ATXN8OS: variants seen among roughly 807,000 people sequenced by gnomAD.
ATXN8OS encodes ATXN8 opposite strand lncRNA, also known as ATXN8 opposite strand (non-protein coding).
chr13:70,131,062 C>A (rs1888526165), intron 3 of ATXN8OS: 2 of 398,264 alleles, frequency 5.0e-6, no homozygotes, highest in Admixed American at 4.4e-5. Context: ...ATTCTTTGAC[C>A]AATTTTGTCT....
chr13:70,168,470 T>C (rs2137509226), intron 4 of ATXN8OS, among the ~76,000 whole-genome samples: 1 of 152,144 alleles, frequency 6.6e-6, no homozygotes, highest in East Asian at 1.9e-4. Flanking sequence ...ATTCCTTCTA[T>C]CTTTCTGTAT....
chr13:70,121,792 G>A (rs1317088352), intron 2 of ATXN8OS, among the ~76,000 whole-genome samples: 18 of 152,026 alleles, frequency 1.2e-4, no homozygotes. Context: ...TTAGAAGTGA[G>A]AGTAAAGGTA....
intron 4 of ATXN8OS, among the ~76,000 whole-genome samples, chr13:70,151,770 A>G (rs1888870450): frequency 6.6e-6 from 1 of 152,128 alleles, no homozygotes; most frequent in Non-Finnish European, 1.5e-5. Flanking sequence ...TATATGTTTT[A>G]GAAGTCATCC....
intron 2 of ATXN8OS, among the ~76,000 whole-genome samples, chr13:70,118,998 A>G (rs1323600212): frequency 1.3e-5 from 2 of 152,030 alleles, no homozygotes. Flanking sequence ...AATTGAAACC[A>G]CTGAATATTT....
intron 4 of ATXN8OS, among the ~76,000 whole-genome samples, chr13:70,158,057 T>C (rs114498352): frequency 2.3e-3 from 347 of 152,292 alleles, no homozygotes; most frequent in African/African-American, 7.7e-3. Context: ...CCAGATTCTC[T>C]AAAGAGGAGA....
intron 4 of ATXN8OS, among the ~76,000 whole-genome samples, chr13:70,166,166 A>G (rs937223268): frequency 6.6e-6 from 1 of 151,662 alleles, no homozygotes; most frequent in Non-Finnish European, 1.5e-5. Context: ...TAAATTTAAA[A>G]TAGTAGTTCA....
chr13:70,130,228 AATTTCTCC>A (rs1261322971), intron 3 of ATXN8OS, among the ~76,000 whole-genome samples: 1 of 152,134 alleles, frequency 6.6e-6, no homozygotes. Flanking sequence ...ATGTAAATTT[AATTTCTCC>A]TACCTTTTCC....
Position 70,171,071 on chromosome 13 carries a change from A to G in ATXN8OS, n.1892A>G, listed in dbSNP as rs1889139278. Among the ~76,000 whole-genome samples, 3 of 152,286 alleles carry G rather than the reference A, an allele frequency of 2.0e-5. No homozygotes were observed. The South Asian group carries it at 6.2e-4, about 32-fold the overall frequency. On this transcript the variant is annotated non_coding_transcript_exon_variant, in exon 5 of 5. Coordinates refer to ENST00000678624, the Ensembl canonical transcript of ATXN8OS. ...AATTAAATTTAACAGAGTTTAATTG[A>G]GCAAAGAACTAGTCAGCCTCTGGAC...
At chr13:70,130,960 T>C (rs1210248886) in intron 3 of ATXN8OS, 3 of 398,406 alleles carry the variant, frequency 7.5e-6, no homozygotes, top group Non-Finnish European at 8.8e-6. Flanking sequence ...CGTATTTTAA[T>C]AGAAGGGAAA....
intron 4 of ATXN8OS, among the ~76,000 whole-genome samples, chr13:70,163,342 C>T (rs1304994876): frequency 6.6e-6 from 1 of 151,932 alleles, no homozygotes; most frequent in Non-Finnish European, 1.5e-5. Flanking sequence ...GCATCTAAGT[C>T]CAGGATCTTA....
intron 4 of ATXN8OS, among the ~76,000 whole-genome samples, chr13:70,149,289 A>C (rs185814307): frequency 6.6e-6 from 1 of 152,236 alleles, no homozygotes; most frequent in Admixed American, 6.5e-5. Context: ...AAAATCATAG[A>C]TTATATGGAA....
chr13:70,126,014 C>T (rs369413929), intron 2 of ATXN8OS, among the ~76,000 whole-genome samples: 1 of 152,200 alleles, frequency 6.6e-6, no homozygotes, highest in African/African-American at 2.4e-5. Context: ...GTGCTACTAA[C>T]GCAGGCTCGC....
intron 4 of ATXN8OS, among the ~76,000 whole-genome samples, chr13:70,165,740 A>AT (rs1195331670): frequency 2.0e-5 from 3 of 152,012 alleles, no homozygotes; most frequent in African/African-American, 4.8e-5. Context: ...ATTTACATAA[A>AT]TTTTTTTCTA....
chr13:70,130,743 TACG>T, intron 3 of ATXN8OS: 1 of 398,508 alleles, frequency 2.5e-6, no homozygotes, highest in Non-Finnish European at 4.4e-6. Context: ...CAAGACTATT[TACG>T]ACAAGTGTTC....
intron 1 of ATXN8OS, among the ~76,000 whole-genome samples, chr13:70,109,802 G>C (rs1048229551): frequency 3.9e-5 from 6 of 152,102 alleles, no homozygotes; most frequent in African/African-American, 1.2e-4. Flanking sequence ...GAAGAAAATA[G>C]TTTATGAAAT....
intron 4 of ATXN8OS, among the ~76,000 whole-genome samples, chr13:70,150,895 G>A (rs1373541201): frequency 2.0e-5 from 3 of 152,184 alleles, no homozygotes; most frequent in African/African-American, 7.2e-5. Flanking sequence ...AAGAAAAATA[G>A]AGTTGGCATT....
intron 3 of ATXN8OS, among the ~76,000 whole-genome samples, chr13:70,145,835 T>A (rs1278263327): frequency 1.3e-5 from 2 of 151,574 alleles, no homozygotes; most frequent in Non-Finnish European, 2.9e-5. Flanking sequence ...GCAATACCAT[T>A]CAGGACATAG....
intron 3 of ATXN8OS, among the ~76,000 whole-genome samples, chr13:70,134,272 G>T (rs1036456145): frequency 6.6e-6 from 1 of 152,174 alleles, no homozygotes; most frequent in Non-Finnish European, 1.5e-5. Context: ...AAGAGCAATT[G>T]CAATCTCTCT....
chr13:70,132,333 A>G (rs1008139169), intron 3 of ATXN8OS, among the ~76,000 whole-genome samples: 3 of 150,070 alleles, frequency 2.0e-5, no homozygotes, highest in Non-Finnish European at 4.4e-5. Context: ...TGGCAGCAAC[A>G]TAGATGCAGC....
Sources: allele counts gnomAD v4.1 joint callset (sites outside exome capture counted in the v4.1 genomes callset), GRCh38; gene constraint gnomAD v4.1.1; transcripts MANE v1.5; gene names NCBI Gene and HGNC (gene_info 2026-07-23, HGNC 2026-07-21).